Variants in ADD2 observed in about 807,000 individuals in gnomAD.
The protein encoded by ADD2 is adducin 2, also known as beta-adducin.
A neutral mutation model predicts 83.0 loss-of-function variants in ADD2; 23 were observed. The observed-to-expected ratio is 0.28, with a 90% CI of 0.20 to 0.39. ADD2 has a LOEUF of 0.39. Among genes scored for constraint, ADD2 ranks in the 10% least tolerant of loss-of-function variants. The probability of loss-of-function intolerance (pLI) is 1.00; values close to 1 mark genes in which losing one functional copy is unlikely to be tolerated. For synonymous variants in ADD2, 375 were observed against 375.4 expected, an observed-to-expected ratio of 1.00 and a Z score of 0.01; for missense variants, 758 against 944.9, an observed-to-expected ratio of 0.80 and a Z score of 2.59.
intron 10 of ADD2, among the ~76,000 whole-genome samples, chr2:70,679,525 C>A (rs1670352606): frequency 6.6e-6 from 1 of 152,194 alleles, no homozygotes; most frequent in South Asian, 2.1e-4. Flanking sequence ...AAGGCCACAT[C>A]CCCTCAAAGC....
chr2:70,714,677 GCTGC>G (rs1672374439), intron 1 of ADD2, among the ~76,000 whole-genome samples: 1 of 152,196 alleles, frequency 6.6e-6, no homozygotes, highest in Admixed American at 6.5e-5. Context: ...ACCACTTGAT[GCTGC>G]CTTTCTCCAA....
At chr2:70,725,366 T>A (rs1269852514) in intron 1 of ADD2, among the ~76,000 whole-genome samples, 1 of 152,172 alleles carries the variant, frequency 6.6e-6, no homozygotes, top group Non-Finnish European at 1.5e-5. Flanking sequence ...TCCAAGGGAA[T>A]CTGTATTGGG....
rs186416318 is a variant in ADD2, at chr2:70,676,244, G to A, written c.1593+552C>T. On this transcript the variant is annotated intron_variant, in intron 13 of 15. Transcript: ENST00000264436. The surrounding 1 kb of genome is among the most constrained non-coding windows in gnomAD (Gnocchi z 4.8). ...TAGACAAAACACTGTTCTATCTCAA[G>A]CACAAAAACAATTACAATACTTTCT... 151 of 988,152 alleles carry A rather than the reference G, an allele frequency of 1.5e-4. No homozygotes were observed. The highest frequency in any genetic ancestry group is 1.7e-4 in the Non-Finnish European group (143 of 831,904). 61.2% of individuals were successfully genotyped at this position (988,152 alleles called of 1,614,324 possible).
Position 70,676,882 on chromosome 2 carries a change from G to C in ADD2, c.1507C>G (p.Arg503Gly). Reference sequence around the variant, plus strand: ...TTCACATCTTGTCGGTTTTGTTCTCGAATCTGTGTGGAAAGGGGAGAGGAA... The same window carrying C: ...TTCACATCTTGTCGGTTTTGTTCTCCAATCTGTGTGGAAAGGGGAGAGGAA... ...QEVLEMRNKIREQNRQDVKSA... is the reference protein window; with the variant it reads ...QEVLEMRNKIGEQNRQDVKSA... The change falls in exon 13 of 16, where the codon CGA (arginine) becomes GGA (glycine). Residue 503 changes from arginine to glycine, a missense_variant. Coordinates refer to ENST00000264436, the MANE Select transcript of ADD2 (RefSeq NM_001617.4). This position sits in a 1 kb window ranked among gnomAD's most constrained non-coding sequence, Gnocchi z 4.8. 2 of 1,613,054 alleles carry C rather than the reference G, an allele frequency of 1.2e-6. 1 individual carries two copies. Among genetic ancestry groups the C allele is most frequent in the South Asian group, 2.2e-5 (2 of 90,954 alleles).
Position 70,663,443 on chromosome 2 carries a change from C to T in ADD2, c.2163G>A (p.Lys721=), listed in dbSNP as rs782369503. 1.5e-5 allele frequency: 25 copies of T among 1,613,422 alleles called. No individual in the cohort carries two copies. In the East Asian group the frequency reaches 5.3e-4, roughly 35 times the overall value. The change falls in exon 16 of 16, where the codon AAG becomes AAA. Residue 721 remains lysine (K), a synonymous_variant. Coordinates refer to ENST00000264436, the MANE Select transcript of ADD2 (RefSeq NM_001617.4). ...TPSFLKKSKK[K]EKVES ...TCATGAATCAGGACTCCACTTTCTC[C>T]TTCTTTTTGCTCTTTTTCAGGAAGG...
At chr2:70,716,650 T>C (rs1225963498) in intron 1 of ADD2, among the ~76,000 whole-genome samples, 1 of 152,160 alleles carries the variant, frequency 6.6e-6, no homozygotes, top group Non-Finnish European at 1.5e-5. Flanking sequence ...TGAAGGTAAA[T>C]TGGGAAGAGC....
At chr2:70,686,260 C>T (rs1670719347) in intron 9 of ADD2, among the ~76,000 whole-genome samples, 1 of 152,204 alleles carries the variant, frequency 6.6e-6, no homozygotes, top group African/African-American at 2.4e-5. Flanking sequence ...CTATTCCCGT[C>T]TCTAGAAGCC....
rs782757699 is a variant in ADD2 at position 70,728,724 on chromosome 2, T to C, written c.-153-15540A>G. 2.0e-5 allele frequency among the ~76,000 whole-genome samples: 3 copies of C among 152,236 alleles called. No homozygotes were observed. The South Asian group carries it at 6.2e-4, about 32-fold the overall frequency. On this transcript the variant is annotated intron_variant, in intron 1 of 15. Transcript: ENST00000264436. The stretch of plus-strand genomic sequence containing the variant: ...GAGAAGCCCTTTGACGTCTGTACCT[T>C]TGGGTCTGGCCTCATCTGTCCCTTT...
chr2:70,690,100 AAAT>A (rs1239212289), intron 8 of ADD2, among the ~76,000 whole-genome samples: 1 of 142,594 alleles, frequency 7.0e-6, no homozygotes, highest in African/African-American at 2.7e-5. Context: ...AAGAAAAAAA[AAAT>A]TTTTTTTTTT....
At chr2:70,675,934 G>A (rs781831458) in intron 13 of ADD2, 887 of 985,392 alleles carry the variant, frequency 9.0e-4, no homozygotes, top group Non-Finnish European at 1.0e-3. Context: ...TTGACCCTGC[G>A]GGATATTCAG....
At chr2:70,754,319 G>T (rs111645358) in intron 1 of ADD2, among the ~76,000 whole-genome samples, 2 of 152,080 alleles carry the variant, frequency 1.3e-5, no homozygotes, top group East Asian at 3.9e-4. Flanking sequence ...GCTACATAAA[G>T]CCCACTTCTG....
In ADD2 at chr2:70,663,711, C is replaced by T; in HGVS notation, c.1895G>A (p.Ser632Asn). The T allele has an allele frequency of 1.2e-6, 2 of 1,613,908 alleles. No individual in the cohort carries two copies. The highest frequency in any genetic ancestry group is 4.5e-5 in the East Asian group (2 of 44,874). ...LEEGTKKTET[S>N]KAATTEPETT... The stretch of plus-strand genomic sequence containing the variant: ...TTCGGGCTCTGTGGTGGCGGCTTTG[C>T]TTGTTTCTGTCTTCTTAGTACCTTC... The change falls in exon 16 of 16, where the codon AGC becomes AAC. Residue 632 changes from serine (S) to asparagine (N), a missense_variant. Ser to Asn is a conservative substitution (Grantham distance 46). Coordinates refer to ENST00000264436, the MANE Select transcript of ADD2 (RefSeq NM_001617.4).
In ADD2 at chr2:70,754,219, T is replaced by C. The variant is rs145059595; in HGVS notation, c.-154+13667A>G. Reference sequence around the variant, plus strand: ...AACTGAGTTTTGAACAAGCCCAAAGTCAATAATGCCTCCTTGGTTACCTTC... The same window carrying C: ...AACTGAGTTTTGAACAAGCCCAAAGCCAATAATGCCTCCTTGGTTACCTTC... On this transcript the variant is annotated intron_variant, in intron 1 of 15. Transcript: ENST00000264436. Among the ~76,000 whole-genome samples, 1,064 of 152,276 alleles carry C rather than the reference T, an allele frequency of 7.0e-3. 14 individuals are homozygous for C. The highest frequency in any genetic ancestry group is 0.022 in the South Asian group (106 of 4,826).
rs1207022903 is a variant in ADD2 at position 70,660,392 on chromosome 2, AG to A, written c.*3032del. 3.3e-5 allele frequency: 5 copies of A among 152,366 alleles called. No individual in the cohort carries two copies. The highest frequency in any genetic ancestry group is 5.9e-5 in the Non-Finnish European group (4 of 68,048). 9.4% of individuals were successfully genotyped at this position (152,366 alleles called of 1,614,324 possible). On this transcript the variant is annotated 3_prime_UTR_variant, in exon 16 of 16. Transcript: ENST00000264436. ...CTGTAGAGGAAACATCGTGTAAAGC[AG>A]GCCATCAACTATGTTTTAGTATTGA...
At chr2:70,713,308 T>G (rs1363776284) in intron 1 of ADD2, 124 bp from the exon 2 acceptor site, 1 of 334,218 alleles carries the variant, frequency 3.0e-6, no homozygotes, top group Non-Finnish European at 4.3e-6. Context: ...TAAAAGCAAA[T>G]TATGCCTTTA....
intron 1 of ADD2, among the ~76,000 whole-genome samples, chr2:70,719,332 T>C (rs188916187): frequency 7.2e-5 from 11 of 152,336 alleles, no homozygotes; most frequent in African/African-American, 2.4e-4. Context: ...GTAATCCCAT[T>C]TCTCAAAAGG....
intron 15 of ADD2, among the ~76,000 whole-genome samples, chr2:70,665,857 T>C (rs2104158663): frequency 6.6e-6 from 1 of 151,560 alleles, no homozygotes; most frequent in African/African-American, 2.4e-5. Context: ...CTCTGTCGCT[T>C]AGAGCTGGAG....
chr2:70,749,353 T>C (rs1416876227), intron 1 of ADD2, among the ~76,000 whole-genome samples: 1 of 152,124 alleles, frequency 6.6e-6, no homozygotes, highest in Admixed American at 6.5e-5. Flanking sequence ...AGCCAAACCA[T>C]ATCAGAGGCT....
At position 70,717,063 on chromosome 2, in the gene ADD2, A is replaced by G. The variant is rs149132473; in HGVS notation, c.-153-3879T>C. 1.1e-3 allele frequency among the ~76,000 whole-genome samples: 171 copies of G among 151,490 alleles called. 2 individuals are homozygous for G. Among genetic ancestry groups the G allele is most frequent in the African/African-American group, 3.9e-3 (162 of 41,256 alleles). On this transcript the variant is annotated intron_variant, in intron 1 of 15. Coordinates refer to ENST00000264436, the MANE Select transcript of ADD2 (RefSeq NM_001617.4). ...CACCTCCTCCCTTGAGCACCCCCTC[A>G]CCTCCCTCAGCTGGGACCCTCCTCT... is the stretch of plus-strand genomic sequence containing the variant.
Sources: allele counts gnomAD v4.1 joint callset (sites outside exome capture counted in the v4.1 genomes callset), GRCh38; gene constraint gnomAD v4.1.1; non-coding constraint Gnocchi (gnomAD v3.1); transcripts MANE v1.5; gene names NCBI Gene and HGNC (gene_info 2026-07-23, HGNC 2026-07-21).